Variants in ARL15 observed in about 807,000 individuals in gnomAD.
ARL15 encodes ARF like GTPase 15.
ARL15 carries 19 observed loss-of-function variants against 25.2 expected under a neutral mutation model. The ratio of observed to expected loss-of-function variants is 0.75; its 90% CI spans 0.53 to 1.10. The LOEUF (loss-of-function observed/expected upper bound fraction) is 1.10. Ranked by LOEUF, ARL15 falls within the 50% of genes least tolerant of loss-of-function variation. ARL15 has a pLI of 0.00. For missense variants in ARL15, 220 were observed against 246.0 expected (o/e 0.89, Z 0.71); for synonymous variants, 94 against 86.8 (o/e 1.08, Z -0.46).
chr5:54,155,079 C>A (rs1173312162), intron 2 of ARL15, among the ~76,000 whole-genome samples: 2 of 152,110 alleles, frequency 1.3e-5, no homozygotes, highest in African/African-American at 4.8e-5. Flanking sequence ...TGAGATCGGG[C>A]CACTGCACTC....
At chr5:54,102,521 T>A (rs1011511432) in intron 4 of ARL15, among the ~76,000 whole-genome samples, 2 of 152,130 alleles carry the variant, frequency 1.3e-5, no homozygotes, top group African/African-American at 4.8e-5. Context: ...TGTACCTCCA[T>A]CTCAAGATCT....
intron 1 of ARL15, among the ~76,000 whole-genome samples, chr5:54,225,915 T>C (rs923596441): frequency 6.6e-6 from 1 of 152,130 alleles, no homozygotes; most frequent in Non-Finnish European, 1.5e-5. Context: ...GGAAAGCTGA[T>C]GGAAATGGGA....
rs188012440 is a variant in ARL15, at chr5:53,892,659, G to A, written c.463-5946C>T. Among the ~76,000 whole-genome samples, 5 of 149,454 alleles carry A rather than the reference G, an allele frequency of 3.3e-5. No individual in the cohort carries two copies. In the East Asian group the frequency reaches 7.9e-4, roughly 24 times the overall value. ...GCTCTGTCACCCAGGCTGGAGTGCT[G>A]TGGCACAATCATAGCTCACTTCAGC... On this transcript the variant is annotated intron_variant, in intron 4 of 4. Coordinates refer to ENST00000504924, the MANE Select transcript of ARL15 (RefSeq NM_019087.3).
chr5:54,292,965 G>T (rs952017090), intron 1 of ARL15, among the ~76,000 whole-genome samples: 8 of 152,154 alleles, frequency 5.3e-5, no homozygotes, highest in Non-Finnish European at 1.2e-4. Context: ...CTTTTAAGTA[G>T]AAATTGAATT....
chr5:54,300,529 C>T (rs993336579), intron 1 of ARL15, among the ~76,000 whole-genome samples: 6 of 152,288 alleles, frequency 3.9e-5, no homozygotes, highest in East Asian at 1.9e-4. Flanking sequence ...CCCCGATTCA[C>T]GAGTAAAATA....
chr5:54,254,301 A>G (rs1378317070), intron 1 of ARL15, among the ~76,000 whole-genome samples: 1 of 152,182 alleles, frequency 6.6e-6, no homozygotes, highest in East Asian at 1.9e-4. Context: ...GGTACTTGCT[A>G]TATAGCTTGT....
At chr5:54,289,096 A>G (rs1758255986) in intron 1 of ARL15, among the ~76,000 whole-genome samples, 2 of 152,220 alleles carry the variant, frequency 1.3e-5, no homozygotes, top group African/African-American at 4.8e-5. Flanking sequence ...CAGGGTGGCA[A>G]GTGTAGCATA....
At chr5:53,960,338 A>C (rs1006000066) in intron 4 of ARL15, among the ~76,000 whole-genome samples, 1 of 152,238 alleles carries the variant, frequency 6.6e-6, no homozygotes, top group African/African-American at 2.4e-5. Flanking sequence ...TATCCTTAAC[A>C]GTGATTTTCT....
chr5:54,165,751 T>TAG (rs1554044804), intron 2 of ARL15, among the ~76,000 whole-genome samples: 82 of 150,960 alleles, frequency 5.4e-4, no homozygotes, highest in African/African-American at 1.9e-3. Flanking sequence ...TATATATATA[T>TAG]ATAAATAGAG....
intron 4 of ARL15, among the ~76,000 whole-genome samples, chr5:53,949,850 G>A (rs72644081): frequency 0.034 from 5,150 of 152,194 alleles, 173 homozygotes; most frequent in South Asian, 0.14. Context: ...AAGACTGCTC[G>A]TATGTGAAGA....
chr5:53,945,859 GC>G (rs1421665275), intron 4 of ARL15, among the ~76,000 whole-genome samples: 1 of 152,134 alleles, frequency 6.6e-6, no homozygotes. Context: ...TGCAGGCCAG[GC>G]CCCTTATTTT....
chr5:53,910,633 TTATATATATA>T (rs70986649), intron 4 of ARL15, among the ~76,000 whole-genome samples: 29 of 55,002 alleles, frequency 5.3e-4, no homozygotes, highest in Middle Eastern at 0.013. Flanking sequence ...TAAAAAAAAA[TTATATATATA>T]TATATATATA....
At chr5:53,980,154 A>G (rs1409027991) in intron 4 of ARL15, among the ~76,000 whole-genome samples, 1 of 152,086 alleles carries the variant, frequency 6.6e-6, no homozygotes, top group Non-Finnish European at 1.5e-5. Context: ...TCCAACACCT[A>G]TTTTGCAAAA....
chr5:54,248,119 C>A (rs570640548), intron 1 of ARL15, among the ~76,000 whole-genome samples: 2 of 152,244 alleles, frequency 1.3e-5, no homozygotes, highest in Non-Finnish European at 2.9e-5. Flanking sequence ...TAGTAACCTG[C>A]TATGAACTAA....
At chr5:53,997,972 C>G (rs1436330591) in intron 4 of ARL15, among the ~76,000 whole-genome samples, 5 of 152,020 alleles carry the variant, frequency 3.3e-5, no homozygotes, top group Admixed American at 1.3e-4. Flanking sequence ...ACCTTAAACA[C>G]TGGCCTGCAC....
At chr5:54,266,397 A>G (rs1283973934) in intron 1 of ARL15, among the ~76,000 whole-genome samples, 1 of 152,214 alleles carries the variant, frequency 6.6e-6, no homozygotes, top group Non-Finnish European at 1.5e-5. Context: ...AAAATCACAA[A>G]GTAGAGACAA....
At chr5:54,105,912 A>G (rs1220068285) in intron 4 of ARL15, among the ~76,000 whole-genome samples, 1 of 152,310 alleles carries the variant, frequency 6.6e-6, no homozygotes, top group East Asian at 1.9e-4. Context: ...TTCATTATGT[A>G]CCAGTCTCTA....
At chr5:54,004,423 G>A (rs531613335) in intron 4 of ARL15, among the ~76,000 whole-genome samples, 19 of 151,856 alleles carry the variant, frequency 1.3e-4, no homozygotes, top group African/African-American at 4.1e-4. Flanking sequence ...AACCCGGGAG[G>A]TGGAGGTTGC....
intron 1 of ARL15, among the ~76,000 whole-genome samples, chr5:54,258,984 A>G (rs971351670): frequency 1.3e-5 from 2 of 152,240 alleles, no homozygotes; most frequent in Admixed American, 1.3e-4. Context: ...GACTGTATTC[A>G]GTCTAGACAG....
Sources: gnomAD v4.1 joint callset for allele counts (sites outside exome capture counted in the v4.1 genomes callset) on GRCh38, gnomAD v4.1.1 for gene constraint, MANE v1.5 for transcripts, NCBI Gene and HGNC (gene_info 2026-07-23, HGNC 2026-07-21) for gene names.